PLGRKT: variants seen among roughly 807,000 people sequenced by gnomAD.
The protein encoded by PLGRKT is plasminogen receptor (KT).
Under a neutral mutation model 18.5 loss-of-function variants are expected in PLGRKT, and 22 were observed. The observed-to-expected ratio is 1.19, with a 90% CI of 0.85 to 1.70. The LOEUF is 1.70. Ranked by LOEUF, PLGRKT falls within the 40% of genes most tolerant of loss-of-function variation. The pLI, the probability that PLGRKT is intolerant of heterozygous loss-of-function variation, is 0.00. For synonymous variants in PLGRKT, 72 were observed against 52.8 expected (o/e 1.36, Z -1.58); for missense variants, 235 against 174.4 (o/e 1.35, Z -1.96).
rs371726840 is a variant in PLGRKT, at chr9:5,361,040, A to C, written c.322+38T>G. The C allele has an allele frequency of 4.6e-4, 486 of 1,053,346 alleles. 2 individuals carry two copies. Among genetic ancestry groups the C allele is most frequent in the Non-Finnish European group, 6.2e-4 (428 of 687,028 alleles). 65.2% of individuals were successfully genotyped at this position (1,053,346 alleles called of 1,614,324 possible). A position where few individuals can be genotyped will look rare whatever the true frequency, so the allele number is the denominator to read the frequency against. ...GCAGGGATCCTTGAAATGGAAAATA[A>C]ATCAGCAAATAGAAACTCTAGTTTA... On this transcript the variant is annotated intron_variant, in intron 5 of 5. Coordinates refer to ENST00000223864, the MANE Select transcript of PLGRKT (RefSeq NM_018465.4).
intron 2 of PLGRKT, among the ~76,000 whole-genome samples, chr9:5,434,163 G>A (rs1226618920): frequency 6.6e-6 from 1 of 150,658 alleles, no homozygotes; most frequent in African/African-American, 2.4e-5. Context: ...TGGGAAGTGA[G>A]GAGCGCCTCT....
chr9:5,433,222 G>A (rs1470637866), intron 2 of PLGRKT, among the ~76,000 whole-genome samples: 6 of 149,490 alleles, frequency 4.0e-5, no homozygotes, highest in Non-Finnish European at 8.9e-5. Flanking sequence ...ATCTCTGCCT[G>A]GCCGCCCATC....
chr9:5,421,154 C>T (rs890489472), intron 3 of PLGRKT, among the ~76,000 whole-genome samples: 2 of 152,214 alleles, frequency 1.3e-5, no homozygotes, highest in Non-Finnish European at 2.9e-5. Context: ...CACTCTCCCC[C>T]ATCCTTTCAG....
intron 3 of PLGRKT, among the ~76,000 whole-genome samples, chr9:5,416,616 A>C (rs914610326): frequency 2.6e-5 from 4 of 152,198 alleles, no homozygotes; most frequent in African/African-American, 9.6e-5. Context: ...CTTCAGATTT[A>C]TGAAAATAAA....
chr9:5,437,132 G>C (rs1027746072), intron 1 of PLGRKT, among the ~76,000 whole-genome samples: 23 of 152,132 alleles, frequency 1.5e-4, no homozygotes, highest in Admixed American at 2.6e-4. Flanking sequence ...CCTGCCTCAG[G>C]TGAGCTATAG....
intron 3 of PLGRKT, chr9:5,381,934 G>A: frequency 5.1e-6 from 5 of 985,078 alleles, no homozygotes; most frequent in Non-Finnish European, 6.0e-6. Flanking sequence ...TCTGCTCCGA[G>A]ACAGGGCCTC....
At chr9:5,409,516 TA>T (rs1478216580) in intron 3 of PLGRKT, among the ~76,000 whole-genome samples, 2 of 152,156 alleles carry the variant, frequency 1.3e-5, no homozygotes, top group African/African-American at 4.8e-5. Flanking sequence ...TCGTGTGAGT[TA>T]ATACTTAATA....
intron 3 of PLGRKT, among the ~76,000 whole-genome samples, chr9:5,391,384 A>G (rs1317591502): frequency 6.6e-6 from 1 of 151,928 alleles, no homozygotes; most frequent in African/African-American, 2.4e-5. Flanking sequence ...TGCAATACTA[A>G]TTTCACCTAG....
chr9:5,437,436 G>A (rs142719611), intron 1 of PLGRKT, among the ~76,000 whole-genome samples: 5 of 152,264 alleles, frequency 3.3e-5, no homozygotes, highest in African/African-American at 1.2e-4. Flanking sequence ...ACAGCTTCCG[G>A]AGGTTTTCTG....
rs140854865 is a variant in PLGRKT at position 5,373,931 on chromosome 9, T to C, written c.82-12043A>G. Among the ~76,000 whole-genome samples, 7 of 152,306 alleles carry C rather than the reference T, an allele frequency of 4.6e-5. No individual in the cohort carries two copies. In the East Asian group the frequency reaches 1.4e-3, roughly 29 times the overall value. ...GGCACCTCCTAAGAACAGCCAGGCATTGGAGCCTTTTCCAGAGAGGGTCCC... is the reference window on the plus strand; with the variant it reads ...GGCACCTCCTAAGAACAGCCAGGCACTGGAGCCTTTTCCAGAGAGGGTCCC... On this transcript the variant is annotated intron_variant, in intron 3 of 5. Coordinates refer to ENST00000223864, the MANE Select transcript of PLGRKT (RefSeq NM_018465.4).
In PLGRKT at chr9:5,418,394, G is replaced by A. The variant is rs569254948; in HGVS notation, c.81+13503C>T. 8.6e-5 allele frequency: 69 copies of A among 801,984 alleles called. No homozygotes were observed. Among genetic ancestry groups the A allele is most frequent in the Middle Eastern group, 2.4e-4 (1 of 4,248 alleles). 49.7% of individuals were successfully genotyped at this position (801,984 alleles called of 1,614,324 possible). A position where few individuals can be genotyped will look rare whatever the true frequency, so the allele number is the denominator to read the frequency against. On this transcript the variant is annotated intron_variant, in intron 3 of 5. Transcript: ENST00000223864. This position sits in a 1 kb window ranked among gnomAD's most constrained non-coding sequence, Gnocchi z 4.2. ...CAGCCACAAGATGTCACAGTCAAGC[G>A]CTTAGAAATGCAGGACATGTTATGG...
chr9:5,399,816 T>A (rs1818122158), intron 3 of PLGRKT, among the ~76,000 whole-genome samples: 1 of 151,348 alleles, frequency 6.6e-6, no homozygotes. Flanking sequence ...ATGGCTAAAC[T>A]ACGTCGCTAC....
intron 3 of PLGRKT, among the ~76,000 whole-genome samples, chr9:5,396,244 G>A (rs991814019): frequency 4.0e-5 from 6 of 151,490 alleles, no homozygotes; most frequent in African/African-American, 7.3e-5. Flanking sequence ...TCTCTCAAGT[G>A]GATTTTGGAC....
At chr9:5,383,914 TGGA>T (rs573468954) in intron 3 of PLGRKT, among the ~76,000 whole-genome samples, 34 of 152,234 alleles carry the variant, frequency 2.2e-4, no homozygotes, top group African/African-American at 6.5e-4. Flanking sequence ...AGCCAGGGAA[TGGA>T]GGAGAAGCAA....
intron 3 of PLGRKT, among the ~76,000 whole-genome samples, chr9:5,393,724 G>A (rs1476881496): frequency 6.6e-6 from 1 of 151,468 alleles, no homozygotes; most frequent in Non-Finnish European, 1.5e-5. Flanking sequence ...TAATAAGCTG[G>A]GAATAAGGAC....
At chr9:5,413,271 C>G (rs1818398721) in intron 3 of PLGRKT, among the ~76,000 whole-genome samples, 1 of 152,188 alleles carries the variant, frequency 6.6e-6, no homozygotes, top group Non-Finnish European at 1.5e-5. Flanking sequence ...CATTGAAGCA[C>G]TGTTTGTAAT....
intron 3 of PLGRKT, among the ~76,000 whole-genome samples, chr9:5,387,752 T>G (rs1014192881): frequency 6.6e-6 from 1 of 151,814 alleles, no homozygotes; most frequent in Non-Finnish European, 1.5e-5. Flanking sequence ...GCTGTACTCT[T>G]AAGATTTGTG....
intron 3 of PLGRKT, among the ~76,000 whole-genome samples, chr9:5,413,401 T>C (rs141396666): frequency 1.3e-5 from 2 of 151,804 alleles, no homozygotes; most frequent in Admixed American, 1.3e-4. Context: ...AAAAAGGACT[T>C]TGTAGATCTG....
chr9:5,433,014 G>A (rs960182151), intron 2 of PLGRKT, among the ~76,000 whole-genome samples: 2 of 151,724 alleles, frequency 1.3e-5, no homozygotes, highest in South Asian at 2.1e-4. Flanking sequence ...GAAGTGAGGA[G>A]CGTCTCTGCC....
Sources: gnomAD v4.1 joint callset for allele counts (sites outside exome capture counted in the v4.1 genomes callset) on GRCh38, gnomAD v4.1.1 for gene constraint, Gnocchi (gnomAD v3.1) non-coding constraint, MANE v1.5 for transcripts, NCBI Gene and HGNC (gene_info 2026-07-23, HGNC 2026-07-21) for gene names.